Variants in NARS2 observed in about 807,000 individuals in gnomAD.
NARS2 encodes asparaginyl-tRNA synthetase 2, mitochondrial.
Under a neutral mutation model 62.9 loss-of-function variants are expected in NARS2, and 60 were observed. The observed-to-expected ratio is 0.95, with a 90% confidence interval of 0.77 to 1.18. NARS2 has a LOEUF of 1.18. NARS2 is among the 50% of genes most tolerant of loss of function. NARS2 has a pLI of 0.00. For missense variants in NARS2, 619 were observed against 576.4 expected (o/e 1.07, Z -0.76); for synonymous variants, 196 against 200.0 (o/e 0.98, Z 0.17).
At chr11:78,451,784 T>C (rs926117060) in intron 11 of NARS2, among the ~76,000 whole-genome samples, 20 of 152,246 alleles carry the variant, frequency 1.3e-4, no homozygotes, top group African/African-American at 3.9e-4. Flanking sequence ...CCATGGTCAC[T>C]ATCAAAAGCT....
chr11:78,573,878 A>C (rs113949086), intron 1 of NARS2, among the ~76,000 whole-genome samples: 143 of 152,352 alleles, frequency 9.4e-4, no homozygotes, highest in African/African-American at 2.9e-3. Flanking sequence ...ATTCATTAAA[A>C]ATAAATTACA....
At chr11:78,499,277 C>A (rs1860193443) in intron 6 of NARS2, among the ~76,000 whole-genome samples, 1 of 152,070 alleles carries the variant, frequency 6.6e-6, no homozygotes, top group Non-Finnish European at 1.5e-5. Flanking sequence ...ATAAGTAATT[C>A]TTCTTCTATA....
intron 10 of NARS2, among the ~76,000 whole-genome samples, chr11:78,467,017 T>C (rs1349454497): frequency 6.6e-6 from 1 of 152,152 alleles, no homozygotes; most frequent in Non-Finnish European, 1.5e-5. Context: ...ATCATAAATA[T>C]AACAAACAGA....
chr11:78,566,895 G>A (rs1337570085), intron 3 of NARS2, among the ~76,000 whole-genome samples: 1 of 152,094 alleles, frequency 6.6e-6, no homozygotes, highest in Non-Finnish European at 1.5e-5. Flanking sequence ...AAAAATCAAA[G>A]TTTTAATTAA....
intron 7 of NARS2, 24 bp downstream of exon 7, chr11:78,493,039 G>A (rs753439610): frequency 3.2e-6 from 5 of 1,564,518 alleles, no homozygotes; most frequent in African/African-American, 1.4e-5. Context: ...CAGATACCTG[G>A]TATTTTAAAA....
chr11:78,543,476 T>G (rs1427609691), intron 5 of NARS2, among the ~76,000 whole-genome samples: 4 of 152,208 alleles, frequency 2.6e-5, no homozygotes, highest in Non-Finnish European at 5.9e-5. Context: ...TTACTTGAAT[T>G]CTAATGTCCA....
intron 4 of NARS2, among the ~76,000 whole-genome samples, chr11:78,563,540 T>C (rs1471602395): frequency 6.6e-6 from 1 of 151,818 alleles, no homozygotes; most frequent in Non-Finnish European, 1.5e-5. Context: ...AATTTCATTT[T>C]AGTAATTTTT....
chr11:78,453,810 G>C (rs540393772), intron 11 of NARS2, among the ~76,000 whole-genome samples: 1 of 152,346 alleles, frequency 6.6e-6, no homozygotes, highest in South Asian at 2.1e-4. Flanking sequence ...CAGATGTGAT[G>C]GTGAAGAGAT....
rs1197817544 is a variant in NARS2 at position 78,553,300 on chromosome 11, CTTTTT to C, written c.594+6234_594+6238del. 4.7e-5 allele frequency among the ~76,000 whole-genome samples: 7 copies of C among 147,564 alleles called. No homozygotes were observed. The East Asian group carries it at 1.2e-3, about 26-fold the overall frequency. ...TCCTTTGCACCCCCCCTTTTTTTTT[CTTTTT>C]TGAGACAAAATCTCGCTCTGTTACC... On this transcript the variant is annotated intron_variant, in intron 5 of 13. Coordinates refer to ENST00000281038, the MANE Select transcript of NARS2 (RefSeq NM_024678.6).
intron 5 of NARS2, among the ~76,000 whole-genome samples, chr11:78,557,889 T>G (rs1856420167): frequency 6.6e-6 from 1 of 150,386 alleles, no homozygotes; most frequent in South Asian, 2.1e-4. Context: ...ATTTCCCTGG[T>G]AGCAATGCAG....
chr11:78,540,842 T>C (rs1361244981), intron 5 of NARS2, among the ~76,000 whole-genome samples: 1 of 152,212 alleles, frequency 6.6e-6, no homozygotes, highest in Non-Finnish European at 1.5e-5. Context: ...CCTTTCACGA[T>C]ACAGATAGTA....
chr11:78,551,126 A>C (rs1488662050), intron 5 of NARS2, among the ~76,000 whole-genome samples: 3 of 152,342 alleles, frequency 2.0e-5, no homozygotes, highest in Admixed American at 6.5e-5. Flanking sequence ...AATGTCCTCA[A>C]ATTAGACCGT....
intron 6 of NARS2, among the ~76,000 whole-genome samples, chr11:78,528,375 TA>T (rs1269988638): frequency 1.3e-5 from 2 of 152,222 alleles, no homozygotes; most frequent in African/African-American, 4.8e-5. Flanking sequence ...TGACAGTTGC[TA>T]AAATTCATTT....
intron 6 of NARS2, among the ~76,000 whole-genome samples, chr11:78,503,529 T>G (rs79087834): frequency 4.6e-5 from 7 of 152,210 alleles, no homozygotes; most frequent in Non-Finnish European, 1.0e-4. Context: ...TAAGCCACCA[T>G]GCCCAGCCTG....
chr11:78,457,003 T>A (rs904154660), intron 11 of NARS2, among the ~76,000 whole-genome samples: 1 of 152,176 alleles, frequency 6.6e-6, no homozygotes, highest in Admixed American at 6.5e-5. Context: ...AGGTAATACT[T>A]TAGAGGTCAC....
At chr11:78,555,734 T>A (rs920663265) in intron 5 of NARS2, among the ~76,000 whole-genome samples, 2 of 152,170 alleles carry the variant, frequency 1.3e-5, no homozygotes, top group African/African-American at 4.8e-5. Context: ...TTGGGGTTGA[T>A]CTGTTCTTGC....
chr11:78,574,461 A>T lies in NARS2; in HGVS notation c.28T>A (p.Ser10Thr). 6.2e-7 allele frequency: 1 copy of T among 1,613,500 alleles called. No homozygotes were observed. The highest frequency in any genetic ancestry group is 8.5e-7 in the Non-Finnish European group (1 of 1,179,786). Residue 10 changes from serine (S) to threonine (T), a missense_variant, in exon 1 of 14, where the codon TCC (serine) becomes ACC (threonine). By Grantham distance (58) the Ser-to-Thr change is moderately conservative. Coordinates refer to ENST00000281038, the MANE Select transcript of NARS2 (RefSeq NM_024678.6). MLGVRCLLR[S>T]VRFCSSAPFP... ...GGGGCGGAGGAACAGAAGCGCACGG[A>T]CCGCAGCAGGCAGCGGACCCCCAGC... is the stretch of plus-strand genomic sequence containing the variant.
intron 5 of NARS2, among the ~76,000 whole-genome samples, chr11:78,538,944 G>A (rs1278644712): frequency 5.3e-5 from 7 of 133,036 alleles, no homozygotes; most frequent in African/African-American, 1.5e-4. Context: ...GCAGTGAGCC[G>A]AGATCGCGCC....
intron 5 of NARS2, among the ~76,000 whole-genome samples, chr11:78,557,818 TTATA>T (rs199632633): frequency 1.4e-5 from 2 of 146,716 alleles, no homozygotes; most frequent in African/African-American, 2.5e-5. Flanking sequence ...ATATCTTATA[TTATA>T]TATATATATC....
Sources: allele counts gnomAD v4.1 joint callset (sites outside exome capture counted in the v4.1 genomes callset), GRCh38; gene constraint gnomAD v4.1.1; transcripts MANE v1.5; gene names NCBI Gene and HGNC (gene_info 2026-07-23, HGNC 2026-07-21).